Variants in PCSK2 observed in about 807,000 individuals in gnomAD.
PCSK2 encodes the protein proprotein convertase subtilisin/kexin type 2.
Under a neutral mutation model 69.7 loss-of-function variants are expected in PCSK2, and 14 were observed. The ratio of observed to expected loss-of-function variants is 0.20; its 90% CI spans 0.13 to 0.31. The LOEUF (loss-of-function observed/expected upper bound fraction) is 0.31, where lower values mean the gene tolerates loss of function less well. PCSK2 is among the 10% of genes least tolerant of loss of function. PCSK2 has a pLI of 1.00. For synonymous variants in PCSK2, 307 were observed against 320.7 expected (o/e 0.96, Z 0.46); for missense variants, 544 against 842.5 (o/e 0.65, Z 4.39).
At chr20:17,463,666 C>A (rs1485544973) in intron 10 of PCSK2, 1 of 145,540 alleles carries the variant, frequency 6.9e-6, no homozygotes, top group African/African-American at 2.6e-5. Flanking sequence ...CATCCCCCCA[C>A]CCCCCACACA....
intron 2 of PCSK2, among the ~76,000 whole-genome samples, chr20:17,319,296 G>A (rs976822462): frequency 4.6e-5 from 7 of 152,194 alleles, no homozygotes; most frequent in Non-Finnish European, 7.3e-5. Context: ...TATAATCTGG[G>A]TCAGGCATTT....
intron 2 of PCSK2, among the ~76,000 whole-genome samples, chr20:17,275,114 A>ATATATATAT (rs1988017942): frequency 7.7e-6 from 1 of 129,966 alleles, no homozygotes; most frequent in African/African-American, 2.8e-5. Context: ...TATATATATA[A>ATATATATAT]TGTTGGGCGA....
At chr20:17,265,031 T>C (rs923573397) in intron 2 of PCSK2, among the ~76,000 whole-genome samples, 5 of 152,138 alleles carry the variant, frequency 3.3e-5, no homozygotes, top group African/African-American at 9.7e-5. Context: ...ACCTGGCTAA[T>C]TTTTGTATTT....
intron 11 of PCSK2, chr20:17,479,306 C>CTGGT: frequency 1.2e-6 from 1 of 840,178 alleles, no homozygotes; most frequent in South Asian, 1.3e-5. Context: ...TTGCGGTCCA[C>CTGGT]TGGTTGATGT....
rs562551925 is a variant in PCSK2, at chr20:17,295,363, G to A, written c.282+35019G>A. On this transcript the variant is annotated intron_variant, in intron 2 of 11. Transcript: ENST00000262545. ...ACCCAGACAGTCTGATTCAGAGCCA[G>A]GAACACTCTACCACCGTGCAATACC... 3.3e-5 allele frequency among the ~76,000 whole-genome samples: 5 copies of A among 152,034 alleles called. No individual in the cohort carries two copies. The South Asian group carries it at 1.0e-3, about 32-fold the overall frequency.
intron 6 of PCSK2, among the ~76,000 whole-genome samples, chr20:17,422,781 G>A (rs1006388980): frequency 6.6e-6 from 1 of 152,088 alleles, no homozygotes; most frequent in Non-Finnish European, 1.5e-5. Context: ...AGCATACAGA[G>A]AGACAAAAAG....
intron 2 of PCSK2, among the ~76,000 whole-genome samples, chr20:17,304,549 T>C (rs1420177315): frequency 6.6e-6 from 1 of 152,208 alleles, no homozygotes; most frequent in African/African-American, 2.4e-5. Context: ...GGTAGAAGAT[T>C]CTTTTCCTCA....
chr20:17,427,794 T>A (rs1392628423), intron 6 of PCSK2, among the ~76,000 whole-genome samples: 2 of 152,190 alleles, frequency 1.3e-5, no homozygotes, highest in African/African-American at 4.8e-5. Context: ...GGATTACTGT[T>A]GACTGGGGTG....
intron 2 of PCSK2, among the ~76,000 whole-genome samples, chr20:17,339,805 G>T (rs1460784143): frequency 6.6e-6 from 1 of 152,124 alleles, no homozygotes; most frequent in East Asian, 1.9e-4. Context: ...TCGGTCTAAG[G>T]ACCAGCAATG....
chr20:17,321,393 C>T (rs1989863659), intron 2 of PCSK2, among the ~76,000 whole-genome samples: 1 of 152,242 alleles, frequency 6.6e-6, no homozygotes, highest in Admixed American at 6.5e-5. Context: ...ATACTCTCCT[C>T]ACTGCTGAGG....
chr20:17,434,100 CA>C (rs1568648026), intron 7 of PCSK2, among the ~76,000 whole-genome samples: 1 of 145,640 alleles, frequency 6.9e-6, no homozygotes, highest in Non-Finnish European at 1.5e-5. Context: ...CTCTCTCTCC[CA>C]CTCTCTCCTT....
intron 6 of PCSK2, among the ~76,000 whole-genome samples, chr20:17,420,575 A>G (rs953226556): frequency 6.6e-6 from 1 of 152,178 alleles, no homozygotes; most frequent in Non-Finnish European, 1.5e-5. Context: ...TGTAATATAG[A>G]TTTAGGGGTT....
intron 8 of PCSK2, among the ~76,000 whole-genome samples, chr20:17,445,545 C>A (rs1051088146): frequency 6.6e-6 from 1 of 152,206 alleles, no homozygotes; most frequent in Non-Finnish European, 1.5e-5. Flanking sequence ...TGGACAGGGA[C>A]CACTTACAAG....
Position 17,305,209 on chromosome 20 carries a change from C to T in PCSK2, c.282+44865C>T, listed in dbSNP as rs1989289647. ...TGGCCCAGGAATTTAGGGAAACACT[C>T]GTATAAATAATATTAAACAGATGTC... On this transcript the variant is annotated intron_variant, in intron 2 of 11. Transcript: ENST00000262545. 2.0e-5 allele frequency among the ~76,000 whole-genome samples: 3 copies of T among 152,134 alleles called. No individual in the cohort carries two copies. In the South Asian group the frequency reaches 6.2e-4, roughly 32 times the overall value.
chr20:17,360,765 C>A (rs985656849), intron 4 of PCSK2, 125 bp downstream of exon 4: 4 of 632,308 alleles, frequency 6.3e-6, no homozygotes, highest in African/African-American at 1.8e-5. Context: ...GGCATGATGG[C>A]CACACTGCAC....
intron 5 of PCSK2, among the ~76,000 whole-genome samples, chr20:17,374,250 T>C (rs1291403117): frequency 6.6e-6 from 1 of 151,886 alleles, no homozygotes; most frequent in Non-Finnish European, 1.5e-5. Context: ...GACTGTCAGG[T>C]GAGGGGTAGG....
At chr20:17,390,661 G>A (rs1439508172) in intron 5 of PCSK2, among the ~76,000 whole-genome samples, 2 of 152,172 alleles carry the variant, frequency 1.3e-5, no homozygotes, top group African/African-American at 4.8e-5. Context: ...TTAATCATTT[G>A]TACTAATTTC....
In PCSK2 at chr20:17,482,156, T is replaced by G. The variant is rs1215074120; in HGVS notation, c.*86T>G. The stretch of plus-strand genomic sequence containing the variant: ...ACGTTTCAGGCAGGCACCTAGCAAT[T>G]CCATCACCCGTACAGGCAATTCCGT... On this transcript the variant is annotated 3_prime_UTR_variant, in exon 12 of 12. Transcript: ENST00000262545. 1.3e-5 allele frequency: 17 copies of G among 1,278,164 alleles called. No homozygotes were observed. Among genetic ancestry groups the G allele is most frequent in the African/African-American group, 6.0e-5 (4 of 66,856 alleles). The allele number at this position is 1,278,164 out of a possible 1,614,324, so 79.2% of individuals were successfully genotyped here. A position where few individuals can be genotyped will look rare whatever the true frequency, so the allele number is the denominator to read the frequency against.
At chr20:17,465,159 T>C in intron 10 of PCSK2, 167 bp from the exon 11 acceptor site, 2 of 671,248 alleles carry the variant, frequency 3.0e-6, no homozygotes, top group Non-Finnish European at 5.4e-6. Flanking sequence ...ATAGTGGTTT[T>C]GAATGGTGCA....
Sources: allele counts gnomAD v4.1 joint callset (sites outside exome capture counted in the v4.1 genomes callset), GRCh38; gene constraint gnomAD v4.1.1; transcripts MANE v1.5; gene names NCBI Gene and HGNC (gene_info 2026-07-23, HGNC 2026-07-21).